Variants in NKAIN2 observed in about 807,000 individuals in gnomAD.
The protein encoded by NKAIN2 is sodium/potassium transporting ATPase interacting 2.
NKAIN2 carries 14 observed loss-of-function variants against 32.6 expected under a neutral mutation model. That is an observed-to-expected ratio of 0.43 (90% CI 0.28 to 0.67). The LOEUF (loss-of-function observed/expected upper bound fraction) is 0.67. Among genes scored for constraint, NKAIN2 ranks in the 30% least tolerant of loss-of-function variants. The pLI, the probability that NKAIN2 is intolerant of heterozygous loss-of-function variation, is 0.17. For missense variants in NKAIN2, 198 were observed against 258.3 expected, an observed-to-expected ratio of 0.77 and a Z score of 1.60; for synonymous variants, 80 against 87.2, an observed-to-expected ratio of 0.92 and a Z score of 0.46.
intron 3 of NKAIN2, among the ~76,000 whole-genome samples, chr6:124,646,374 A>T (rs985765206): frequency 2.0e-5 from 3 of 152,208 alleles, no homozygotes; most frequent in African/African-American, 7.2e-5. Context: ...GAAATGAGAA[A>T]TATGAACAGT....
intron 4 of NKAIN2, among the ~76,000 whole-genome samples, chr6:124,668,425 T>G (rs991024562): frequency 6.6e-6 from 1 of 152,168 alleles, no homozygotes; most frequent in Non-Finnish European, 1.5e-5. Flanking sequence ...AACAACGTTA[T>G]AAATAGAGAC....
At chr6:124,208,620 A>G in intron 1 of NKAIN2, among the ~76,000 whole-genome samples, 1 of 151,600 alleles carries the variant, frequency 6.6e-6, no homozygotes, top group East Asian at 1.9e-4. Context: ...GTTATGCTGT[A>G]TGTTTATATA....
intron 1 of NKAIN2, among the ~76,000 whole-genome samples, chr6:124,159,028 A>G (rs1019677353): frequency 5.9e-5 from 9 of 152,152 alleles, no homozygotes; most frequent in Non-Finnish European, 8.8e-5. Context: ...TGACACACAT[A>G]TTCATACTTC....
intron 2 of NKAIN2, among the ~76,000 whole-genome samples, chr6:124,290,189 C>T (rs1795736254): frequency 6.6e-6 from 1 of 152,092 alleles, no homozygotes; most frequent in South Asian, 2.1e-4. Flanking sequence ...ATTTATTCTA[C>T]AAGAAGATAC....
intron 2 of NKAIN2, among the ~76,000 whole-genome samples, chr6:124,353,745 A>C (rs1036448593): frequency 6.9e-6 from 1 of 145,922 alleles, no homozygotes; most frequent in Non-Finnish European, 1.5e-5. Flanking sequence ...ACAGAGCGAG[A>C]CTCCGTCTCA....
chr6:123,937,875 C>G (rs996462222), intron 1 of NKAIN2, among the ~76,000 whole-genome samples: 1 of 138,298 alleles, frequency 7.2e-6, no homozygotes, highest in Non-Finnish European at 1.6e-5. Context: ...TCCATGTGCT[C>G]CCTTCAAGCT....
intron 2 of NKAIN2, among the ~76,000 whole-genome samples, chr6:124,345,430 T>C (rs1261179569): frequency 6.6e-6 from 1 of 152,200 alleles, no homozygotes; most frequent in Non-Finnish European, 1.5e-5. Context: ...TCCTTATACC[T>C]CTGGTAGAAT....
chr6:124,028,793 G>A (rs1433778045), intron 1 of NKAIN2, among the ~76,000 whole-genome samples: 4 of 144,584 alleles, frequency 2.8e-5, no homozygotes, highest in African/African-American at 7.8e-5. Flanking sequence ...ACGCATATAC[G>A]TGTATATACG....
At chr6:124,027,862 T>C (rs1781187014) in intron 1 of NKAIN2, among the ~76,000 whole-genome samples, 1 of 152,192 alleles carries the variant, frequency 6.6e-6, no homozygotes, top group Non-Finnish European at 1.5e-5. Context: ...TAAAGAGAAC[T>C]AAATATATTT....
intron 2 of NKAIN2, among the ~76,000 whole-genome samples, chr6:124,305,400 AG>A (rs1796467658): frequency 1.3e-5 from 2 of 152,208 alleles, no homozygotes; most frequent in Non-Finnish European, 2.9e-5. Context: ...TATCTTTGGC[AG>A]GACTTCACGA....
chr6:124,815,215 T>TATATATACAC (rs1460200197), intron 5 of NKAIN2, among the ~76,000 whole-genome samples: 33 of 92,952 alleles, frequency 3.6e-4, no homozygotes, highest in African/African-American at 7.5e-4. Context: ...AGTCTTAAAC[T>TATATATACAC]ATATATATAC....
intron 1 of NKAIN2, among the ~76,000 whole-genome samples, chr6:124,220,000 A>G (rs1423633535): frequency 6.6e-6 from 1 of 152,156 alleles, no homozygotes; most frequent in Non-Finnish European, 1.5e-5. Context: ...CCTTAAATAT[A>G]AAGCATGAAA....
intron 2 of NKAIN2, among the ~76,000 whole-genome samples, chr6:124,296,231 G>C (rs1796050024): frequency 6.6e-6 from 1 of 151,970 alleles, no homozygotes. Flanking sequence ...TTTGCTTTGA[G>C]TTATAATAGG....
chr6:124,375,380 T>C (rs895236616), intron 3 of NKAIN2, among the ~76,000 whole-genome samples: 5 of 146,960 alleles, frequency 3.4e-5, no homozygotes, highest in Non-Finnish European at 7.5e-5. Context: ...GTACTCACTA[T>C]ATATATATAT....
At chr6:123,990,842 A>T (rs1490180427) in intron 1 of NKAIN2, among the ~76,000 whole-genome samples, 1 of 152,200 alleles carries the variant, frequency 6.6e-6, no homozygotes, top group African/African-American at 2.4e-5. Flanking sequence ...TAGTGTGACC[A>T]GTTTGTCACC....
intron 1 of NKAIN2, among the ~76,000 whole-genome samples, chr6:123,897,897 A>G (rs999764976): frequency 6.6e-6 from 1 of 152,192 alleles, no homozygotes; most frequent in Non-Finnish European, 1.5e-5. Context: ...AGCAAAACAA[A>G]GAATAAATGT....
chr6:124,193,860 C>T (rs1272191884), intron 1 of NKAIN2, among the ~76,000 whole-genome samples: 2 of 151,936 alleles, frequency 1.3e-5, no homozygotes, highest in Non-Finnish European at 2.9e-5. Context: ...GTGGGTAGCT[C>T]CTCTTGGCAG....
chr6:124,638,553 C>T (rs1205724508), intron 3 of NKAIN2, among the ~76,000 whole-genome samples: 1 of 152,040 alleles, frequency 6.6e-6, no homozygotes, highest in Non-Finnish European at 1.5e-5. Flanking sequence ...ACTCAAATGA[C>T]TCAGCAACAA....
intron 1 of NKAIN2, among the ~76,000 whole-genome samples, chr6:124,280,105 C>G (rs9491105): frequency 0.022 from 3,411 of 152,174 alleles, 114 homozygotes; most frequent in African/African-American, 0.075. Flanking sequence ...TAAACAGCAG[C>G]ATGTATTTTG....
Sources: allele counts gnomAD v4.1 joint callset (sites outside exome capture counted in the v4.1 genomes callset), GRCh38; gene constraint gnomAD v4.1.1; transcripts MANE v1.5; gene names NCBI Gene and HGNC (gene_info 2026-07-23, HGNC 2026-07-21).